Variants in TRAPPC11 observed in about 807,000 individuals in gnomAD.
TRAPPC11 encodes foie gras homolog.
Under a neutral mutation model 151.2 loss-of-function variants are expected in TRAPPC11, and 104 were observed. The ratio of observed to expected loss-of-function variants is 0.69; its 90% CI spans 0.59 to 0.81. The LOEUF (loss-of-function observed/expected upper bound fraction) is 0.81, where lower values mean the gene tolerates loss of function less well. Among genes scored for constraint, TRAPPC11 ranks in the 30% least tolerant of loss-of-function variants. The pLI, the probability that TRAPPC11 is intolerant of heterozygous loss-of-function variation, is 0.00. For synonymous variants in TRAPPC11, 456 were observed against 472.3 expected, an observed-to-expected ratio of 0.97 and a Z score of 0.45; for missense variants, 1,230 against 1,349.6, an observed-to-expected ratio of 0.91 and a Z score of 1.39.
chr4:183,706,433 C>G (rs775812650), intron 27 of TRAPPC11, among the ~76,000 whole-genome samples: 20 of 151,268 alleles, frequency 1.3e-4, no homozygotes, highest in Non-Finnish European at 1.9e-4. Context: ...TGAAGCAGGA[C>G]AATGGCGTGA....
At position 183,659,343 on chromosome 4, in the gene TRAPPC11, G is replaced by A. The variant is rs190853983; in HGVS notation, c.-126G>A. On this transcript the variant is annotated 5_prime_UTR_variant, in exon 1 of 30. Coordinates refer to ENST00000334690, the MANE Select transcript of TRAPPC11 (RefSeq NM_021942.6). ...GAACTGGCTGTGGGGCTGCGGCGGT[G>A]GGGACGGGCCACGGCGTTCTGTGAC... 6 of 195,732 alleles carry A rather than the reference G, an allele frequency of 3.1e-5. No individual in the cohort carries two copies. The highest frequency in any genetic ancestry group is 5.2e-5 in the Non-Finnish European group (5 of 96,274). The allele number at this position is 195,732 out of a possible 1,614,324, so 12.1% of individuals were successfully genotyped here.
intron 8 of TRAPPC11, 96 bp from the exon 9 acceptor site, chr4:183,679,257 C>G (rs1035570999): frequency 4.1e-6 from 5 of 1,226,072 alleles, no homozygotes; most frequent in African/African-American, 1.6e-5. Context: ...ATTTCATTGT[C>G]TTTTTCTAAT....
chr4:183,686,670 T>A lies in TRAPPC11; in HGVS notation c.1815T>A (p.Val605=). The stretch of plus-strand genomic sequence containing the variant: ...CAAGTTTTCATGTTGATGTTCCTGT[T>A]CAGTTTGATATTTATCTGAAGGCTG... The part of the protein sequence containing the change: ...HAPSFHVDVP[V]QFDIYLKADC... The change falls in exon 18 of 30, where the codon GTT becomes GTA. Residue 605 remains valine (V), a synonymous_variant. Transcript: ENST00000334690. 6.2e-7 allele frequency: 1 copy of A among 1,614,162 alleles called. No individual in the cohort carries two copies. Among genetic ancestry groups the A allele is most frequent in the Non-Finnish European group, 8.5e-7 (1 of 1,180,002 alleles).
chr4:183,702,275 T>C (rs1736838115), intron 26 of TRAPPC11, among the ~76,000 whole-genome samples: 2 of 149,556 alleles, frequency 1.3e-5, no homozygotes, highest in East Asian at 2.0e-4. Context: ...GCTCAAAAAG[T>C]GGAGGTTTCA....
chr4:183,666,454 T>C (rs1734888396), intron 3 of TRAPPC11, 28 bp downstream of exon 3: 1 of 1,606,422 alleles, frequency 6.2e-7, no homozygotes, highest in Non-Finnish European at 8.5e-7. Flanking sequence ...AGGGCAGCTA[T>C]GTCAGTTTGC....
At chr4:183,704,382 G>A (rs1057153606) in intron 26 of TRAPPC11, among the ~76,000 whole-genome samples, 6 of 152,022 alleles carry the variant, frequency 3.9e-5, no homozygotes, top group East Asian at 1.9e-4. Flanking sequence ...TTAGCTGGGC[G>A]TGGCTTCACG....
Position 183,712,593 on chromosome 4 carries a change from T to G in TRAPPC11, c.3358-7T>G. 1 of 1,614,060 alleles carries G rather than the reference T, an allele frequency of 6.2e-7. No homozygotes were observed. The highest frequency in any genetic ancestry group is 8.5e-7 in the Non-Finnish European group (1 of 1,179,972). On this transcript the variant is annotated splice_polypyrimidine_tract_variant and splice_region_variant and intron_variant, in intron 29 of 29. Coordinates refer to ENST00000334690, the MANE Select transcript of TRAPPC11 (RefSeq NM_021942.6). ...TGTAAACCCACTTTGTTTTTCCCAC[T>G]TTAAAGCCACAGGGTCGACTCATGG...
intron 10 of TRAPPC11, 106 bp from the exon 11 acceptor site, chr4:183,682,626 G>T: frequency 2.0e-6 from 1 of 489,252 alleles, no homozygotes; most frequent in Non-Finnish European, 3.6e-6. Flanking sequence ...ATATATATTT[G>T]GTGGTTGTAT....
At chr4:183,681,631 T>G (rs990495346) in intron 10 of TRAPPC11, among the ~76,000 whole-genome samples, 3 of 151,970 alleles carry the variant, frequency 2.0e-5, no homozygotes, top group Non-Finnish European at 4.4e-5. Flanking sequence ...ATACAAAAAA[T>G]TAGCCGGGTG....
chr4:183,701,524 G>A (rs1266505852), intron 25 of TRAPPC11, 173 bp from the exon 26 acceptor site: 2 of 548,812 alleles, frequency 3.6e-6, no homozygotes, highest in African/African-American at 3.8e-5. Context: ...CAAAAACAGT[G>A]GACTTTGTGA....
chr4:183,700,027 T>C (rs937234057), intron 25 of TRAPPC11, among the ~76,000 whole-genome samples: 2 of 152,150 alleles, frequency 1.3e-5, no homozygotes, highest in African/African-American at 2.4e-5. Context: ...GGTTTCACCG[T>C]GGTCTCGATC....
At chr4:183,674,594 C>A in intron 5 of TRAPPC11, 119 bp from the exon 6 acceptor site, 1 of 521,664 alleles carries the variant, frequency 1.9e-6, no homozygotes, top group South Asian at 3.6e-5. Flanking sequence ...TTGTCTTATT[C>A]ATAATGTAAA....
chr4:183,670,011 A>C (rs952267423), intron 5 of TRAPPC11, among the ~76,000 whole-genome samples: 2 of 152,250 alleles, frequency 1.3e-5, no homozygotes, highest in Admixed American at 6.5e-5. Flanking sequence ...TGGGGAGTGC[A>C]TAAGATAGTC....
At chr4:183,679,525 G>T in intron 9 of TRAPPC11, 39 bp downstream of exon 9, 1 of 1,529,776 alleles carries the variant, frequency 6.5e-7, no homozygotes, top group South Asian at 1.2e-5. Flanking sequence ...TTTTAAAAAT[G>T]ATACATAGTA....
At chr4:183,681,804 A>C (rs1416659328) in intron 10 of TRAPPC11, among the ~76,000 whole-genome samples, 2 of 151,842 alleles carry the variant, frequency 1.3e-5, no homozygotes, top group Non-Finnish European at 2.9e-5. Context: ...TAAAATTTCC[A>C]TCAAATAATA....
In TRAPPC11 at chr4:183,661,401, TCGC is replaced by T. The variant is rs1432301542; in HGVS notation, c.-22+1955_-22+1957del. 5.8e-5 allele frequency among the ~76,000 whole-genome samples: 7 copies of T among 119,928 alleles called. No individual in the cohort carries two copies. In the East Asian group the frequency reaches 2.0e-3, roughly 35 times the overall value. The allele number at this position is 119,928 out of a possible 152,430, so 78.7% of individuals were successfully genotyped here. A position where few individuals can be genotyped will look rare whatever the true frequency, so the allele number is the denominator to read the frequency against. On this transcript the variant is annotated intron_variant, in intron 1 of 29. Coordinates refer to ENST00000334690, the MANE Select transcript of TRAPPC11 (RefSeq NM_021942.6). ...TTTTTTTTTTTGAGACGGAGTCTCC[TCGC>T]TCTGTCGCCCAGGCTGGAGTGCAGT...
At chr4:183,682,410 A>G (rs2111356554) in intron 10 of TRAPPC11, among the ~76,000 whole-genome samples, 1 of 152,334 alleles carries the variant, frequency 6.6e-6, no homozygotes, top group East Asian at 1.9e-4. Flanking sequence ...CACAAAGAGC[A>G]TGTATGCATG....
chr4:183,697,474 A>G (rs532447635), intron 23 of TRAPPC11, 29 bp from the exon 24 acceptor site: 14 of 1,584,756 alleles, frequency 8.8e-6, no homozygotes, highest in Middle Eastern at 1.7e-4. Flanking sequence ...TAGAAAATCC[A>G]TGAATGTGCC....
At chr4:183,675,296 G>A in intron 7 of TRAPPC11, 59 bp downstream of exon 7, 3 of 1,037,048 alleles carry the variant, frequency 2.9e-6, no homozygotes, top group South Asian at 2.2e-5. Flanking sequence ...AACATGTGAT[G>A]GAAATTTCTG....
Sources: allele counts gnomAD v4.1 joint callset (sites outside exome capture counted in the v4.1 genomes callset), GRCh38; gene constraint gnomAD v4.1.1; transcripts MANE v1.5; gene names NCBI Gene and HGNC (gene_info 2026-07-23, HGNC 2026-07-21).